Variants in RSPH14 observed in about 807,000 individuals in gnomAD.
RSPH14 encodes the protein rhabdoid tumor deletion region gene 1.
A neutral mutation model predicts 26.7 loss-of-function variants in RSPH14; 20 were observed. That is an observed-to-expected ratio of 0.75 (90% CI 0.53 to 1.09). The LOEUF (loss-of-function observed/expected upper bound fraction) is 1.09, where lower values mean the gene tolerates loss of function less well. Among genes scored for constraint, RSPH14 ranks in the 50% least tolerant of loss-of-function variants. RSPH14 has a pLI of 0.00. For missense variants in RSPH14, 449 were observed against 457.2 expected (o/e 0.98, Z 0.16); for synonymous variants, 177 against 189.3 (o/e 0.93, Z 0.53).
chr22:23,103,638 C>G (rs778294088), intron 4 of RSPH14, among the ~76,000 whole-genome samples: 14 of 151,500 alleles, frequency 9.2e-5, no homozygotes, highest in Non-Finnish European at 1.8e-4. Flanking sequence ...AGCAACCTTG[C>G]ATTGGCTAAC....
At chr22:23,130,311 C>T (rs1304313893) in intron 4 of RSPH14, among the ~76,000 whole-genome samples, 2 of 150,042 alleles carry the variant, frequency 1.3e-5, no homozygotes, top group African/African-American at 2.5e-5. Context: ...AAAAATCAGC[C>T]GGGCATGGTG....
chr22:23,065,526 A>G (rs940852014), intron 4 of RSPH14, among the ~76,000 whole-genome samples: 1 of 123,544 alleles, frequency 8.1e-6, no homozygotes, highest in Non-Finnish European at 1.6e-5. Flanking sequence ...TTTAATATGC[A>G]CAGATTGCAA....
chr22:23,078,873 G>A (rs1287578417), intron 4 of RSPH14, among the ~76,000 whole-genome samples: 2 of 152,220 alleles, frequency 1.3e-5, no homozygotes, highest in Non-Finnish European at 2.9e-5. Flanking sequence ...GGGCTTAGTC[G>A]TGGGGCAGCA....
intron 4 of RSPH14, among the ~76,000 whole-genome samples, chr22:23,091,253 G>C (rs987790202): frequency 6.6e-5 from 10 of 152,276 alleles, no homozygotes; most frequent in African/African-American, 2.4e-4. Flanking sequence ...CAAGCAACCA[G>C]ACACAGACAC....
At chr22:23,173,007 T>C in the RSPH14 span, among the ~76,000 whole-genome samples, 3 of 76 alleles carry the variant, frequency 0.039, no homozygotes, top group African/African-American at 0.17. Flanking sequence ...CTTTTCAGAA[T>C]AGTGTCTTTT....
chr22:23,091,810 C>T (rs1352856067), intron 4 of RSPH14, among the ~76,000 whole-genome samples: 1 of 152,244 alleles, frequency 6.6e-6, no homozygotes, highest in African/African-American at 2.4e-5. Context: ...AGACCAAGGG[C>T]TCAGTTGGAC....
chr22:23,062,051 A>AG, intron 5 of RSPH14, 106 bp from the exon 6 acceptor site: 1 of 1,332,596 alleles, frequency 7.5e-7, no homozygotes, highest in Non-Finnish European at 1.0e-6. Context: ...TGTGGGGGCT[A>AG]CCCCAGGTAG....
the RSPH14 span, among the ~76,000 whole-genome samples, chr22:23,160,546 C>T: frequency 2.4e-4 from 36 of 152,322 alleles, no homozygotes; most frequent in East Asian, 6.9e-3. Flanking sequence ...CCACATCTTC[C>T]AACACTTGGG....
chr22:23,180,689 A>G, the RSPH14 span: 1 of 150,384 alleles, frequency 6.6e-6, no homozygotes. Context: ...AGCGGAGAGC[A>G]GCGCCCGCGC....
intron 4 of RSPH14, among the ~76,000 whole-genome samples, chr22:23,077,767 C>A (rs963875795): frequency 6.6e-6 from 1 of 152,184 alleles, no homozygotes; most frequent in Non-Finnish European, 1.5e-5. Flanking sequence ...CCAAGAGGGG[C>A]CTTCTGAAGA....
chr22:23,085,754 T>C (rs1484324484), intron 4 of RSPH14, among the ~76,000 whole-genome samples: 4 of 152,138 alleles, frequency 2.6e-5, no homozygotes, highest in Admixed American at 2.6e-4. Context: ...CCCACTTGTG[T>C]CCCCAGGAGG....
chr22:23,133,020 G>A (rs890223646), intron 4 of RSPH14: 1 of 152,166 alleles, frequency 6.6e-6, no homozygotes, highest in African/African-American at 2.4e-5. Flanking sequence ...GCAGATGCAA[G>A]TATTTTAGAA....
intron 4 of RSPH14, among the ~76,000 whole-genome samples, chr22:23,106,924 C>T (rs2146348540): frequency 6.6e-6 from 1 of 152,330 alleles, no homozygotes; most frequent in East Asian, 1.9e-4. Context: ...TCACCCCACC[C>T]CCTCCACACT....
chr22:23,116,790 G>A (rs940397378), intron 4 of RSPH14, among the ~76,000 whole-genome samples: 4 of 152,194 alleles, frequency 2.6e-5, no homozygotes, highest in Non-Finnish European at 5.9e-5. Flanking sequence ...GGGAAGGAGT[G>A]GGGTGTGGGG....
chr22:23,123,823 T>G lies in RSPH14; in HGVS notation c.421+10203A>C, dbSNP rs534960300. ...GATAGGCAGCAGGGCTGAGGCAAGG[T>G]AGGCCAACTGCACCCCTGTCGCCTG... On this transcript the variant is annotated intron_variant, in intron 4 of 6. Coordinates refer to ENST00000216036, the MANE Select transcript of RSPH14 (RefSeq NM_014433.3). The G allele has an allele frequency of 1.6e-4, 38 of 235,630 alleles. 1 individual carries two copies. The highest frequency in any genetic ancestry group is 1.6e-3 in the Middle Eastern group (1 of 610). The allele number at this position is 235,630 out of a possible 1,614,324, so 14.6% of individuals were successfully genotyped here.
intron 4 of RSPH14, among the ~76,000 whole-genome samples, chr22:23,112,254 C>A (rs540796911): frequency 1.3e-5 from 2 of 152,232 alleles, no homozygotes; most frequent in Non-Finnish European, 2.9e-5. Flanking sequence ...CTGCCACAGC[C>A]CCAGGCCCTG....
chr22:23,179,779 C>T, the RSPH14 span: 1 of 197,778 alleles, frequency 5.1e-6, no homozygotes, highest in Non-Finnish European at 1.0e-5. Flanking sequence ...GCATTGGTTA[C>T]TCAGCCTGGC....
intron 4 of RSPH14, among the ~76,000 whole-genome samples, chr22:23,092,519 T>C (rs752799100): frequency 6.6e-6 from 1 of 152,178 alleles, no homozygotes; most frequent in Non-Finnish European, 1.5e-5. Context: ...TTGTGACTGT[T>C]CGTCACTGCC....
intron 4 of RSPH14, chr22:23,123,279 C>A (rs1267826319): frequency 6.2e-7 from 1 of 1,613,954 alleles, no homozygotes; most frequent in Non-Finnish European, 8.5e-7. Flanking sequence ...CTACATCCAG[C>A]GGCAGTTTGA....
Sources: gnomAD v4.1 joint callset for allele counts (sites outside exome capture counted in the v4.1 genomes callset) on GRCh38, gnomAD v4.1.1 for gene constraint, MANE v1.5 for transcripts, NCBI Gene and HGNC (gene_info 2026-07-23, HGNC 2026-07-21) for gene names.